The following POLN variants were observed in gnomAD, a reference collection of about 807,000 sequenced individuals.
POLN encodes DNA polymerase nu.
Under a neutral mutation model 113.5 loss-of-function variants are expected in POLN, and 108 were observed. The observed-to-expected ratio is 0.95, with a 90% CI of 0.81 to 1.12. POLN has a LOEUF of 1.12. Among genes scored for constraint, POLN ranks in the 50% most tolerant of loss-of-function variants. The pLI, the probability that POLN is intolerant of heterozygous loss-of-function variation, is 0.00. For synonymous variants in POLN, 386 were observed against 391.5 expected (o/e 0.99, Z 0.17); for missense variants, 1,097 against 1,077.1 (o/e 1.02, Z -0.26).
rs767766306 is a variant in POLN, at chr4:2,127,728, C to G, written c.1982+385G>C. 2.0e-5 allele frequency among the ~76,000 whole-genome samples: 3 copies of G among 152,238 alleles called. No homozygotes were observed. The highest frequency in any genetic ancestry group is 6.5e-5 in the Admixed American group (1 of 15,282). On this transcript the variant is annotated intron_variant, in intron 19 of 25. Coordinates refer to ENST00000511885, the MANE Select transcript of POLN (RefSeq NM_181808.4). This position sits in a 1 kb window ranked among gnomAD's most constrained non-coding sequence, Gnocchi z 4.7. ...CTTTCACCCGCAGCTCAAGAAGCCC[C>G]TGGCCCACAGATGGGCTGGGGCGTG...
intron 24 of POLN, 25 bp downstream of exon 24, chr4:2,075,427 G>A (rs747494399): frequency 1.6e-5 from 26 of 1,612,310 alleles, no homozygotes; most frequent in Non-Finnish European, 2.0e-5. Flanking sequence ...TGATGTCCAA[G>A]CAACCCTGTG....
At chr4:2,232,706 T>C (rs1293844578) in intron 2 of POLN, among the ~76,000 whole-genome samples, 6 of 152,174 alleles carry the variant, frequency 3.9e-5, no homozygotes, top group East Asian at 3.8e-4. Context: ...CCTAATCATA[T>C]AATTTTCCTG....
chr4:2,079,802 C>T, intron 23 of POLN: 1 of 931,874 alleles, frequency 1.1e-6, no homozygotes. Flanking sequence ...CCAGGTTGGT[C>T]TCAAACTCCT....
Position 2,208,116 on chromosome 4 carries a change from T to C in POLN, c.585A>G (p.Lys195=), listed in dbSNP as rs1733898204. ...CCAAATGCCTAATATCACAAAAATGTTTTTTCAATGCTCCTGAGTTCCCAG... is the reference window on the plus strand; with the variant it reads ...CCAAATGCCTAATATCACAAAAATGCTTTTTCAATGCTCCTGAGTTCCCAG... The part of the protein sequence containing the change: ...LNSGNSGALK[K]HFCDIRHLDD... The change falls in exon 5 of 26, where the codon AAA becomes AAG. Residue 195 remains lysine, a synonymous_variant. Transcript: ENST00000511885. The C allele has an allele frequency of 1.9e-6, 3 of 1,614,102 alleles. No individual in the cohort carries two copies. In the African/African-American group the frequency reaches 4.0e-5, roughly 22 times the overall value.
intron 16 of POLN, chr4:2,156,352 CA>C (rs1447715507): frequency 2.3e-6 from 1 of 430,518 alleles, no homozygotes; most frequent in East Asian, 7.1e-5. Flanking sequence ...CAAGCTGCAT[CA>C]TAAGTTCAAG....
rs879213032 is a variant in POLN, at chr4:2,173,815, G to A, written c.1374+140C>T. On this transcript the variant is annotated intron_variant, in intron 11 of 25. Coordinates refer to ENST00000511885, the MANE Select transcript of POLN (RefSeq NM_181808.4). ...CAATGCTTGGTTCTCCCCTGCAGGC[G>A]TCAGAAAGAGGGAGAAACACTGTCA... 29 of 815,026 alleles carry A rather than the reference G, an allele frequency of 3.6e-5. 1 individual carries two copies. Among genetic ancestry groups the A allele is most frequent in the East Asian group, 1.7e-4 (7 of 40,968 alleles). The allele number at this position is 815,026 out of a possible 1,614,324, so 50.5% of individuals were successfully genotyped here.
At position 2,095,529 on chromosome 4, in the gene POLN, T is replaced by C. The variant is rs376091615; in HGVS notation, c.2065+322A>G. Among the ~76,000 whole-genome samples, 8 of 152,322 alleles carry C rather than the reference T, an allele frequency of 5.3e-5. No individual in the cohort carries two copies. In the East Asian group the frequency reaches 5.8e-4, roughly 11 times the overall value. On this transcript the variant is annotated intron_variant, in intron 20 of 25. Coordinates refer to ENST00000511885, the MANE Select transcript of POLN (RefSeq NM_181808.4). ...TAACTTTATAATGCCTTGGCATGTG[T>C]GTGGACGAGGGTCTCCTCGAAGGTC...
chr4:2,161,345 G>C (rs1732583368), intron 13 of POLN, among the ~76,000 whole-genome samples: 1 of 152,230 alleles, frequency 6.6e-6, no homozygotes, highest in Non-Finnish European at 1.5e-5. Flanking sequence ...GCGTGGGCTT[G>C]GCAGGCCCTG....
chr4:2,186,925 T>C (rs2108754093), intron 7 of POLN, among the ~76,000 whole-genome samples: 1 of 152,256 alleles, frequency 6.6e-6, no homozygotes, highest in Middle Eastern at 3.4e-3. Flanking sequence ...TGACTTAATT[T>C]AAAAAATCAA....
chr4:2,201,248 C>CAA (rs1380476100), intron 5 of POLN, among the ~76,000 whole-genome samples: 2 of 104,176 alleles, frequency 1.9e-5, no homozygotes, highest in Non-Finnish European at 3.4e-5. Context: ...GCCTGAGTGA[C>CAA]AGAGTGAGAC....
At chr4:2,227,153 A>G (rs980424772) in intron 3 of POLN, among the ~76,000 whole-genome samples, 1 of 152,222 alleles carries the variant, frequency 6.6e-6, no homozygotes, top group Non-Finnish European at 1.5e-5. Flanking sequence ...ATCACATTAT[A>G]TAAAACTGTA....
chr4:2,179,868 C>G (rs1440076594), intron 7 of POLN, among the ~76,000 whole-genome samples: 1 of 152,368 alleles, frequency 6.6e-6, no homozygotes, highest in Non-Finnish European at 1.5e-5. Flanking sequence ...TCCTGCCCTC[C>G]TCCAGCCTGT....
chr4:2,166,882 C>T (rs1355733068), intron 13 of POLN, among the ~76,000 whole-genome samples: 1 of 152,154 alleles, frequency 6.6e-6, no homozygotes, highest in Non-Finnish European at 1.5e-5. Context: ...TGGGACTTCA[C>T]AGCACCCCCA....
chr4:2,101,135 C>T (rs1383222174), intron 19 of POLN, among the ~76,000 whole-genome samples: 1 of 150,928 alleles, frequency 6.6e-6, no homozygotes, highest in Non-Finnish European at 1.5e-5. Context: ...AGATTGAGTA[C>T]ATGCCTAAAC....
chr4:2,204,773 G>C (rs1457282522), intron 5 of POLN, among the ~76,000 whole-genome samples: 1 of 152,174 alleles, frequency 6.6e-6, no homozygotes, highest in Non-Finnish European at 1.5e-5. Flanking sequence ...CAGGGATGCA[G>C]GGTTGGTCTA....
chr4:2,177,400 T>C (rs1033742150), intron 8 of POLN: 27 of 374,968 alleles, frequency 7.2e-5, no homozygotes, highest in Admixed American at 1.3e-4. Flanking sequence ...TCCATTTATC[T>C]GAACAATTCA....
intron 5 of POLN, among the ~76,000 whole-genome samples, chr4:2,207,178 T>C (rs1733867169): frequency 6.6e-6 from 1 of 152,162 alleles, no homozygotes. Flanking sequence ...TGTTCTTACT[T>C]ATAGGTGGGA....
rs1446102588 is a variant in POLN at position 2,208,254 on chromosome 4, T to TGAA, written c.446_447insTTC (p.Lys149delinsAsnSer). 3.7e-5 allele frequency: 59 copies of TGAA among 1,586,236 alleles called. 1 individual carries two copies. In the Admixed American group the frequency reaches 1.0e-3, roughly 27 times the overall value. On this transcript the variant is annotated protein_altering_variant, in exon 5 of 26. Transcript: ENST00000511885. ...GTTTTCTTTTAAGATTAATGCTTCC[T>TGAA]TTATTTTCATTATTTATATTCTCCA...
intron 23 of POLN, chr4:2,080,347 TG>T (rs1369782048): frequency 1.3e-5 from 13 of 972,470 alleles, no homozygotes; most frequent in South Asian, 3.9e-5. Context: ...AGCTGTGGCC[TG>T]GGGGGCAGCC....
Sources: allele counts gnomAD v4.1 joint callset (sites outside exome capture counted in the v4.1 genomes callset), GRCh38; gene constraint gnomAD v4.1.1; non-coding constraint Gnocchi (gnomAD v3.1); transcripts MANE v1.5; gene names NCBI Gene and HGNC (gene_info 2026-07-23, HGNC 2026-07-21).